The following PLCXD3 variants were observed in gnomAD, a reference collection of about 807,000 sequenced individuals.
PLCXD3 encodes the protein phosphatidylinositol specific phospholipase C X domain containing 3, also known as PI-PLC X domain-containing protein 3.
PLCXD3 carries 19 observed loss-of-function variants against 25.5 expected under a neutral mutation model. That is an observed-to-expected ratio of 0.75 (90% CI 0.52 to 1.09). The LOEUF is 1.09. Among genes scored for constraint, PLCXD3 ranks in the 50% least tolerant of loss-of-function variants. PLCXD3 has a pLI of 0.00. For synonymous variants in PLCXD3, 174 were observed against 137.6 expected, an observed-to-expected ratio of 1.26 and a Z score of -1.85; for missense variants, 411 against 388.1, an observed-to-expected ratio of 1.06 and a Z score of -0.50.
chr5:41,352,313 G>A (rs1744485831), intron 2 of PLCXD3, among the ~76,000 whole-genome samples: 2 of 152,114 alleles, frequency 1.3e-5, no homozygotes, highest in African/African-American at 4.8e-5. Context: ...CTTGCATATA[G>A]TATTCTTTCT....
At chr5:41,392,149 A>G (rs1159440379) in intron 1 of PLCXD3, among the ~76,000 whole-genome samples, 23 of 152,208 alleles carry the variant, frequency 1.5e-4, no homozygotes, top group Non-Finnish European at 7.4e-5. Flanking sequence ...AGGGAAGGAC[A>G]CAAGCCTGGC....
chr5:41,463,663 G>T (rs543435761), intron 1 of PLCXD3, among the ~76,000 whole-genome samples: 49 of 152,044 alleles, frequency 3.2e-4, no homozygotes, highest in Non-Finnish European at 5.6e-4. Flanking sequence ...TTGCAGAGTT[G>T]GGTCAGAGGC....
In PLCXD3 at chr5:41,457,184, A is replaced by G. The variant is rs553626325; in HGVS notation, c.103+53240T>C. Reference sequence around the variant, plus strand: ...GGATAATGAACTTAAGGAGCTGTTGACATCCATGTCGCCTGGTGTCCACAC... The same window carrying G: ...GGATAATGAACTTAAGGAGCTGTTGGCATCCATGTCGCCTGGTGTCCACAC... On this transcript the variant is annotated intron_variant, in intron 1 of 2. Coordinates refer to ENST00000377801, the MANE Select transcript of PLCXD3 (RefSeq NM_001005473.3). Among the ~76,000 whole-genome samples, 144 of 152,084 alleles carry G rather than the reference A, an allele frequency of 9.5e-4. 1 individual carries two copies. The highest frequency in any genetic ancestry group is 6.8e-3 in the Middle Eastern group (2 of 294).
intron 1 of PLCXD3, among the ~76,000 whole-genome samples, chr5:41,452,704 T>A (rs539567248): frequency 6.6e-6 from 1 of 152,172 alleles, no homozygotes; most frequent in South Asian, 2.1e-4. Context: ...GAGACATATT[T>A]ACTTGAACAA....
At chr5:41,476,047 C>A (rs1748276232) in intron 1 of PLCXD3, among the ~76,000 whole-genome samples, 1 of 152,194 alleles carries the variant, frequency 6.6e-6, no homozygotes, top group Admixed American at 6.5e-5. Flanking sequence ...TCAGATTACA[C>A]ATGAATAATA....
intron 1 of PLCXD3, among the ~76,000 whole-genome samples, chr5:41,454,777 T>C (rs544119148): frequency 7.9e-5 from 12 of 152,056 alleles, no homozygotes; most frequent in Non-Finnish European, 1.5e-4. Context: ...ATATTCTCTC[T>C]CCAAGTTTAC....
At chr5:41,361,919 G>A (rs1744791118) in intron 2 of PLCXD3, among the ~76,000 whole-genome samples, 1 of 152,146 alleles carries the variant, frequency 6.6e-6, no homozygotes, top group Non-Finnish European at 1.5e-5. Context: ...AACAAAACTA[G>A]AGATATAGAA....
intron 1 of PLCXD3, among the ~76,000 whole-genome samples, chr5:41,431,092 G>A (rs61417437): frequency 0.015 from 2,337 of 152,246 alleles, 57 homozygotes; most frequent in African/African-American, 0.054. Context: ...TGCACAGAAC[G>A]TCAGAGTTAG....
chr5:41,377,432 T>A lies in PLCXD3; in HGVS notation c.812+4394A>T, dbSNP rs377265469. Among the ~76,000 whole-genome samples the A allele has an allele frequency of 5.9e-5, 9 of 152,172 alleles. No homozygotes were observed. In the East Asian group the frequency reaches 1.5e-3, roughly 26 times the overall value. Reference sequence around the variant, plus strand: ...ATGCATTGCTGCTTAAAAATTCTGATAGGTAGTATGACTGCATTTTTTAAA... The same window carrying A: ...ATGCATTGCTGCTTAAAAATTCTGAAAGGTAGTATGACTGCATTTTTTAAA... On this transcript the variant is annotated intron_variant, in intron 2 of 2. Coordinates refer to ENST00000377801, the MANE Select transcript of PLCXD3 (RefSeq NM_001005473.3).
intron 2 of PLCXD3, among the ~76,000 whole-genome samples, chr5:41,377,250 AC>A (rs1186964087): frequency 3.9e-5 from 6 of 151,976 alleles, no homozygotes; most frequent in African/African-American, 1.4e-4. Context: ...TAAATATTGA[AC>A]CTAATCATGA....
chr5:41,491,683 A>G (rs1459144453), intron 1 of PLCXD3, among the ~76,000 whole-genome samples: 1 of 152,010 alleles, frequency 6.6e-6, no homozygotes, highest in Non-Finnish European at 1.5e-5. Context: ...CTTTAGCATT[A>G]TGTAATGTCC....
At chr5:41,406,353 C>T (rs925163323) in intron 1 of PLCXD3, among the ~76,000 whole-genome samples, 9 of 152,016 alleles carry the variant, frequency 5.9e-5, no homozygotes, top group African/African-American at 1.9e-4. Context: ...CATTTTAGAG[C>T]CCCTGTGTGC....
chr5:41,423,151 C>T (rs1332152067), intron 1 of PLCXD3, among the ~76,000 whole-genome samples: 4 of 152,058 alleles, frequency 2.6e-5, no homozygotes, highest in South Asian at 2.1e-4. Context: ...TTGCATTCTT[C>T]GCAGAAGCCC....
At chr5:41,463,846 T>C (rs995617636) in intron 1 of PLCXD3, among the ~76,000 whole-genome samples, 8 of 152,140 alleles carry the variant, frequency 5.3e-5, no homozygotes, top group African/African-American at 1.9e-4. Flanking sequence ...CTGCCAATCA[T>C]AGCATCACTT....
chr5:41,468,374 C>T (rs1265124100), intron 1 of PLCXD3, among the ~76,000 whole-genome samples: 1 of 152,004 alleles, frequency 6.6e-6, no homozygotes, highest in East Asian at 1.9e-4. Context: ...TTTGTGGTTC[C>T]ATGCAAATTT....
At chr5:41,464,346 C>T (rs1250837076) in intron 1 of PLCXD3, among the ~76,000 whole-genome samples, 6 of 152,022 alleles carry the variant, frequency 3.9e-5, no homozygotes, top group Non-Finnish European at 8.8e-5. Context: ...TGACTGTGCA[C>T]CGCTATCGGT....
intron 1 of PLCXD3, among the ~76,000 whole-genome samples, chr5:41,483,260 T>TA (rs1330214930): frequency 2.0e-5 from 3 of 152,126 alleles, no homozygotes; most frequent in African/African-American, 2.4e-5. Context: ...TAACAAAATT[T>TA]AAAAAAATCC....
At chr5:41,350,786 C>G (rs1228202490) in intron 2 of PLCXD3, among the ~76,000 whole-genome samples, 1 of 152,168 alleles carries the variant, frequency 6.6e-6, no homozygotes, top group Non-Finnish European at 1.5e-5. Context: ...GAAGTTACCT[C>G]TTAAAGTGTA....
rs528874078 is a variant in PLCXD3, at chr5:41,464,063, G to T, written c.103+46361C>A. 1.4e-4 allele frequency among the ~76,000 whole-genome samples: 22 copies of T among 151,934 alleles called. 1 individual carries two copies. In the South Asian group the frequency reaches 4.6e-3, roughly 32 times the overall value. ...ATTGTACTGTCTAATTTATCTAATT[G>T]CCACTCACAGACCACTCCAACCTCA... On this transcript the variant is annotated intron_variant, in intron 1 of 2. Coordinates refer to ENST00000377801, the MANE Select transcript of PLCXD3 (RefSeq NM_001005473.3).
Sources: gnomAD v4.1 joint callset for allele counts (sites outside exome capture counted in the v4.1 genomes callset) on GRCh38, gnomAD v4.1.1 for gene constraint, MANE v1.5 for transcripts, NCBI Gene and HGNC (gene_info 2026-07-23, HGNC 2026-07-21) for gene names.